The following HCN1 variants were observed in gnomAD, a reference collection of about 807,000 sequenced individuals.
HCN1 encodes the protein potassium/sodium hyperpolarization-activated cyclic nucleotide-gated channel 1.
HCN1 carries 13 observed loss-of-function variants against 78.9 expected under a neutral mutation model. That is an observed-to-expected ratio of 0.16 (90% CI 0.11 to 0.26). The LOEUF (loss-of-function observed/expected upper bound fraction) is 0.26. Ranked by LOEUF, HCN1 falls within the 10% of genes least tolerant of loss-of-function variation. The probability of loss-of-function intolerance (pLI) is 1.00; values close to 1 mark genes in which losing one functional copy is unlikely to be tolerated. For missense variants in HCN1, 810 were observed against 1,154.3 expected, an observed-to-expected ratio of 0.70 and a Z score of 4.32; for synonymous variants, 552 against 455.5, an observed-to-expected ratio of 1.21 and a Z score of -2.70.
intron 5 of HCN1, among the ~76,000 whole-genome samples, chr5:45,314,301 C>T (rs1051778900): frequency 6.6e-6 from 1 of 152,140 alleles, no homozygotes; most frequent in Non-Finnish European, 1.5e-5. Context: ...ACTTTACAGA[C>T]AAGCAAATGC....
At chr5:45,352,322 C>G (rs1289999662) in intron 5 of HCN1, among the ~76,000 whole-genome samples, 1 of 146,568 alleles carries the variant, frequency 6.8e-6, no homozygotes. Context: ...GGGAATTGAA[C>G]AATGAGAACA....
At chr5:45,551,557 TATTTTCAA>T (rs1743370918) in intron 2 of HCN1, among the ~76,000 whole-genome samples, 1 of 151,964 alleles carries the variant, frequency 6.6e-6, no homozygotes, top group African/African-American at 2.4e-5. Context: ...AAGTTTTCTT[TATTTTCAA>T]AAAAGAAGGT....
chr5:45,539,947 TATATATATATATAA>T (rs955944979), intron 2 of HCN1, among the ~76,000 whole-genome samples: 10 of 92,242 alleles, frequency 1.1e-4, no homozygotes, highest in East Asian at 3.2e-4. Flanking sequence ...TATATATATA[TATATATATATATAA>T]AATGTTTATC....
chr5:45,335,077 T>C (rs569054506), intron 5 of HCN1, among the ~76,000 whole-genome samples: 5 of 152,170 alleles, frequency 3.3e-5, no homozygotes, highest in South Asian at 4.1e-4. Context: ...TGACATTCTA[T>C]ATTCTACTGG....
chr5:45,691,411 A>C (rs1739912520), intron 1 of HCN1, among the ~76,000 whole-genome samples: 1 of 152,160 alleles, frequency 6.6e-6, no homozygotes, highest in Non-Finnish European at 1.5e-5. Context: ...AACATTTGCT[A>C]AAATTTAAAG....
intron 7 of HCN1, among the ~76,000 whole-genome samples, chr5:45,265,809 T>C (rs1452962799): frequency 2.0e-5 from 3 of 152,190 alleles, no homozygotes; most frequent in Admixed American, 6.5e-5. Flanking sequence ...GTGAATGTAA[T>C]GGTGAATTAA....
chr5:45,570,707 C>T (rs1257175406), intron 2 of HCN1, among the ~76,000 whole-genome samples: 1 of 152,030 alleles, frequency 6.6e-6, no homozygotes, highest in Non-Finnish European at 1.5e-5. Flanking sequence ...ACACACCTAA[C>T]ATTGTTAGTG....
At chr5:45,329,483 T>G (rs1746303476) in intron 5 of HCN1, among the ~76,000 whole-genome samples, 1 of 151,438 alleles carries the variant, frequency 6.6e-6, no homozygotes, top group Non-Finnish European at 1.5e-5. Context: ...AGTCTGGATC[T>G]CTCTTATTAC....
chr5:45,263,818 A>G (rs1450013795), intron 7 of HCN1, among the ~76,000 whole-genome samples: 2 of 152,026 alleles, frequency 1.3e-5, no homozygotes, highest in Admixed American at 1.3e-4. Flanking sequence ...TTTGAGACGG[A>G]GTCTCGCTCT....
intron 2 of HCN1, among the ~76,000 whole-genome samples, chr5:45,590,685 C>T (rs1481578236): frequency 6.6e-6 from 1 of 152,160 alleles, no homozygotes; most frequent in African/African-American, 2.4e-5. Flanking sequence ...TTTTTACTGT[C>T]TCCATAGTTT....
chr5:45,317,925 G>A (rs1213623111), intron 5 of HCN1, among the ~76,000 whole-genome samples: 2 of 152,170 alleles, frequency 1.3e-5, no homozygotes, highest in Non-Finnish European at 2.9e-5. Flanking sequence ...ACAGGTGCTG[G>A]AGAGTATGTG....
chr5:45,621,396 A>C (rs920851505), intron 2 of HCN1, among the ~76,000 whole-genome samples: 1 of 152,008 alleles, frequency 6.6e-6, no homozygotes, highest in Non-Finnish European at 1.5e-5. Flanking sequence ...TTAATGAGAT[A>C]GTGACAAAGC....
At chr5:45,447,068 C>T (rs1175088808) in intron 3 of HCN1, among the ~76,000 whole-genome samples, 1 of 152,044 alleles carries the variant, frequency 6.6e-6, no homozygotes, top group Non-Finnish European at 1.5e-5. Context: ...GGACTTAACG[C>T]TCCAATTAAA....
At chr5:45,623,029 C>T (rs781035255) in intron 2 of HCN1, among the ~76,000 whole-genome samples, 9 of 152,126 alleles carry the variant, frequency 5.9e-5, no homozygotes, top group Non-Finnish European at 1.0e-4. Flanking sequence ...CCACTCATCA[C>T]TCAAAACTCC....
At chr5:45,344,496 TGAGCCTG>T (rs1380975765) in intron 5 of HCN1, among the ~76,000 whole-genome samples, 2 of 152,208 alleles carry the variant, frequency 1.3e-5, no homozygotes, top group African/African-American at 4.8e-5. Context: ...CTTCTGTCTA[TGAGCCTG>T]CAAACTCAAA....
At chr5:45,282,209 T>C (rs1745182939) in intron 6 of HCN1, among the ~76,000 whole-genome samples, 1 of 152,204 alleles carries the variant, frequency 6.6e-6, no homozygotes, top group East Asian at 1.9e-4. Context: ...AACTACTTTG[T>C]AGTTACATTG....
At chr5:45,405,192 CA>C (rs1561142661) in intron 3 of HCN1, among the ~76,000 whole-genome samples, 1 of 152,014 alleles carries the variant, frequency 6.6e-6, no homozygotes, top group African/African-American at 2.4e-5. Flanking sequence ...AAATGCCAAT[CA>C]GATAGAAAGT....
chr5:45,282,037 G>A (rs1452233539), intron 6 of HCN1, among the ~76,000 whole-genome samples: 1 of 152,022 alleles, frequency 6.6e-6, no homozygotes, highest in Non-Finnish European at 1.5e-5. Flanking sequence ...ATTTATTTTG[G>A]TAGAGAAAAC....
chr5:45,678,240 AAC>A (rs1311360179), intron 1 of HCN1, among the ~76,000 whole-genome samples: 2 of 151,896 alleles, frequency 1.3e-5, no homozygotes, highest in Non-Finnish European at 2.9e-5. Flanking sequence ...AACCAGAAGG[AAC>A]AGTCTCAGAG....
Sources: allele counts gnomAD v4.1 joint callset (sites outside exome capture counted in the v4.1 genomes callset), GRCh38; gene constraint gnomAD v4.1.1; transcripts MANE v1.5; gene names NCBI Gene and HGNC (gene_info 2026-07-23, HGNC 2026-07-21).